The following FAM20B variants were observed in gnomAD, a reference collection of about 807,000 sequenced individuals.
FAM20B encodes the protein FAM20B glycosaminoglycan xylosylkinase.
FAM20B carries 23 observed loss-of-function variants against 43.8 expected under a neutral mutation model. The observed-to-expected ratio is 0.53, with a 90% CI of 0.38 to 0.74. The LOEUF (loss-of-function observed/expected upper bound fraction) is 0.74. FAM20B is among the 30% of genes least tolerant of loss of function. The probability of loss-of-function intolerance (pLI) is 0.00; values close to 1 mark genes in which losing one functional copy is unlikely to be tolerated. For missense variants in FAM20B, 440 were observed against 510.5 expected (o/e 0.86, Z 1.33); for synonymous variants, 178 against 192.4 (o/e 0.93, Z 0.62).
At chr1:179,035,031 A>C (rs1285191414) in intron 1 of FAM20B, among the ~76,000 whole-genome samples, 1 of 152,164 alleles carries the variant, frequency 6.6e-6, no homozygotes, top group Non-Finnish European at 1.5e-5. Context: ...TCACTTAATC[A>C]GAGGGTGATT....
chr1:179,073,796 AAC>A lies in FAM20B; in HGVS notation c.*1656_*1657del, dbSNP rs1331563141. The A allele has an allele frequency of 6.6e-6, 1 of 152,170 alleles. No homozygotes were observed. The highest frequency in any genetic ancestry group is 1.5e-5 in the Non-Finnish European group (1 of 68,040). 9.4% of individuals were successfully genotyped at this position (152,170 alleles called of 1,614,324 possible). A position where few individuals can be genotyped will look rare whatever the true frequency, so the allele number is the denominator to read the frequency against. On this transcript the variant is annotated 3_prime_UTR_variant, in exon 8 of 8. Transcript: ENST00000263733. ...GCACTCTCAAATTTCAGGTTTGTAA[AAC>A]ACAGTTTTTGTTTTGTGTTCTGGCA...
chr1:179,062,970 CTTTCCT>C, intron 4 of FAM20B, among the ~76,000 whole-genome samples: 1 of 152,234 alleles, frequency 6.6e-6, no homozygotes, highest in South Asian at 2.1e-4. Flanking sequence ...GAGGATGTTA[CTTTCCT>C]TTAATTAAAG....
chr1:179,067,104 C>T (rs1208544943), intron 7 of FAM20B, among the ~76,000 whole-genome samples: 2 of 151,278 alleles, frequency 1.3e-5, no homozygotes, highest in African/African-American at 4.9e-5. Context: ...TACAGTAATA[C>T]ATGTTTGGTT....
chr1:179,070,546 A>C (rs1271391901), intron 7 of FAM20B, among the ~76,000 whole-genome samples: 1 of 80,396 alleles, frequency 1.2e-5, no homozygotes, highest in Non-Finnish European at 2.2e-5. Flanking sequence ...TTTTTTTGAG[A>C]TGGAGTCTTG....
At chr1:179,037,794 T>C (rs547726263) in intron 1 of FAM20B, among the ~76,000 whole-genome samples, 3 of 152,146 alleles carry the variant, frequency 2.0e-5, no homozygotes, top group Non-Finnish European at 4.4e-5. Context: ...GCCAGTTCCC[T>C]TAATGTAAAT....
rs754374566 is a variant in FAM20B, at chr1:179,072,010, G to A, written c.1096G>A (p.Val366Met). 1.2e-6 allele frequency: 2 copies of A among 1,613,976 alleles called. No individual in the cohort carries two copies. The highest frequency in any genetic ancestry group is 3.3e-5 in the Admixed American group (2 of 59,988). The change falls in exon 8 of 8, where the codon GTG (valine) becomes ATG (methionine). Residue 366 changes from valine (V) to methionine (M), a missense_variant. Coordinates refer to ENST00000263733, the MANE Select transcript of FAM20B (RefSeq NM_014864.4). ...CATGGCCCATGACCCCATCTCCCCAGTGCTCTCTGATCCTCATCTGGACGC... is the reference window on the plus strand; with the variant it reads ...CATGGCCCATGACCCCATCTCCCCAATGCTCTCTGATCCTCATCTGGACGC... ...SAMAHDPISP[V>M]LSDPHLDAVD...
rs1171449910 is a variant in FAM20B, at chr1:179,025,947, C to T, written c.-285C>T. On this transcript the variant is annotated 5_prime_UTR_variant, in exon 1 of 8. Coordinates refer to ENST00000263733, the MANE Select transcript of FAM20B (RefSeq NM_014864.4). ...AGAGGTGGCCTGGGAATGGCCGGGC[C>T]GGGGGTGGGCCGGAGCCGCTGTGGC... 1 of 19,150 alleles carries T rather than the reference C, an allele frequency of 5.2e-5. No homozygotes were observed. Among genetic ancestry groups the T allele is most frequent in the African/African-American group, 2.1e-4 (1 of 4,730 alleles). The allele number at this position is 19,150 out of a possible 1,614,324, so 1.2% of individuals were successfully genotyped here.
At chr1:179,062,441 G>T (rs1651507261) in intron 4 of FAM20B, among the ~76,000 whole-genome samples, 1 of 152,012 alleles carries the variant, frequency 6.6e-6, no homozygotes, top group Non-Finnish European at 1.5e-5. Context: ...CATGAGGTCA[G>T]GAGTTCTGAG....
chr1:179,028,314 TG>T (rs1649874457), intron 1 of FAM20B, among the ~76,000 whole-genome samples: 1 of 152,232 alleles, frequency 6.6e-6, no homozygotes, highest in African/African-American at 2.4e-5. Context: ...TCGGGCGCGG[TG>T]GCTTATGCCT....
intron 7 of FAM20B, among the ~76,000 whole-genome samples, chr1:179,067,574 A>C (rs1651742934): frequency 1.3e-5 from 2 of 152,152 alleles, no homozygotes; most frequent in Admixed American, 6.6e-5. Context: ...ATTGCACTCC[A>C]TTCTGGGTGA....
chr1:179,068,059 G>A (rs1457942305), intron 7 of FAM20B, among the ~76,000 whole-genome samples: 1 of 152,112 alleles, frequency 6.6e-6, no homozygotes, highest in African/African-American at 2.4e-5. Flanking sequence ...CACCGCGCCC[G>A]ACCATCCTGG....
rs1651580750 is a variant in FAM20B, at chr1:179,063,965, C to T, written c.613C>T (p.Arg205Ter). The T allele has an allele frequency of 4.3e-6, 7 of 1,612,836 alleles. No homozygotes were observed. Among genetic ancestry groups the T allele is most frequent in the African/African-American group, 1.3e-5 (1 of 74,938 alleles). The change falls in exon 5 of 8, where the codon CGA becomes TGA. Residue 205 changes from arginine (R) to a stop codon, truncating the protein, a stop_gained. Transcript: ENST00000263733. LOFTEE classifies it high-confidence loss of function. ...TTTTTATGGGAAGTGCTATTACTGC[C>T]GAGAAACAGAACCAGCTTGTGCTGA... Reference protein sequence around the residue: ...TCFYGKCYYCRETEPACADGD... With the variant: ...TCFYGKCYYC
At chr1:179,052,257 G>A (rs1367303348) in intron 3 of FAM20B, among the ~76,000 whole-genome samples, 1 of 152,058 alleles carries the variant, frequency 6.6e-6, no homozygotes, top group Non-Finnish European at 1.5e-5. Flanking sequence ...TGGGTTAAGA[G>A]TATAAACATT....
Position 179,064,342 on chromosome 1 carries a change from A to G in FAM20B, c.784A>G (p.Lys262Glu). ...TGAGAGCTACTGTGATGCTGTGAAGAAAACGTCCCCTTATGACTCTGGCCC... is the reference window on the plus strand; with the variant it reads ...TGAGAGCTACTGTGATGCTGTGAAGGAAACGTCCCCTTATGACTCTGGCCC... ...YDESYCDAVK[K>E]TSPYDSGPRL... is the part of the protein sequence containing the mutation. The change falls in exon 6 of 8, where the codon AAA (lysine) becomes GAA (glutamate). Residue 262 changes from lysine (K) to glutamate (E), a missense_variant. Transcript: ENST00000263733. 6.2e-7 allele frequency: 1 copy of G among 1,613,454 alleles called. No homozygotes were observed. Among genetic ancestry groups the G allele is most frequent in the Non-Finnish European group, 8.5e-7 (1 of 1,179,576 alleles).
chr1:179,046,203 G>A (rs546168440), intron 2 of FAM20B, among the ~76,000 whole-genome samples: 1 of 152,272 alleles, frequency 6.6e-6, no homozygotes, highest in East Asian at 1.9e-4. Flanking sequence ...AATTCTCTAA[G>A]TTTGTTTGCT....
At chr1:179,045,128 A>C (rs1055172403) in intron 2 of FAM20B, among the ~76,000 whole-genome samples, 1 of 152,202 alleles carries the variant, frequency 6.6e-6, no homozygotes, top group Admixed American at 6.5e-5. Context: ...TTGTGTGACA[A>C]TTCTGTGATA....
At chr1:179,018,363 A>G in the FAM20B span, among the ~76,000 whole-genome samples, 8 of 152,132 alleles carry the variant, frequency 5.3e-5, no homozygotes, top group Non-Finnish European at 1.2e-4. Context: ...CTGGAGTACA[A>G]TGGTACAATC....
At chr1:179,066,931 T>G in intron 7 of FAM20B, 72 bp downstream of exon 7, 6 of 1,122,980 alleles carry the variant, frequency 5.3e-6, no homozygotes, top group Non-Finnish European at 8.1e-6. Flanking sequence ...GTACATCCAT[T>G]TTCTTGGCCC....
At chr1:179,060,059 A>G (rs1350515933) in intron 4 of FAM20B, among the ~76,000 whole-genome samples, 1 of 151,404 alleles carries the variant, frequency 6.6e-6, no homozygotes, top group Non-Finnish European at 1.5e-5. Context: ...GCAACCTTTA[A>G]CTAGTAATTT....
Sources: allele counts gnomAD v4.1 joint callset (sites outside exome capture counted in the v4.1 genomes callset), GRCh38; gene constraint gnomAD v4.1.1; transcripts MANE v1.5; gene names NCBI Gene and HGNC (gene_info 2026-07-23, HGNC 2026-07-21).